The following MYH13 variants were observed in gnomAD, a reference collection of about 807,000 sequenced individuals.
MYH13 encodes the protein myosin-13.
A neutral mutation model predicts 232.1 loss-of-function variants in MYH13; 177 were observed. The observed-to-expected ratio is 0.76, with a 90% CI of 0.67 to 0.86. The LOEUF (loss-of-function observed/expected upper bound fraction) is 0.86, where lower values mean the gene tolerates loss of function less well. MYH13 is among the 40% of genes least tolerant of loss of function. The pLI is 0.00. For missense variants in MYH13, 2,246 were observed against 2,405.9 expected (o/e 0.93, Z 1.39); for synonymous variants, 884 against 923.5 (o/e 0.96, Z 0.78).
At position 10,345,601 on chromosome 17, in the gene MYH13, C is replaced by G; in HGVS notation, c.1279G>C (p.Gly427Arg). ...TCGTAGACGGCTTTGGCCAGAGCAC[C>G]CACCGAATTGGTCACCTTGAAAAAG... ...QNVQQVTNSV[G>R]ALAKAVYEKM... Residue 427 changes from glycine (G) to arginine (R), a missense_variant, in exon 14 of 41, where the codon GGT becomes CGT. Coordinates refer to ENST00000252172, the MANE Select transcript of MYH13 (RefSeq NM_003802.3). The G allele has an allele frequency of 2.5e-6, 4 of 1,614,142 alleles. No individual in the cohort carries two copies. Among genetic ancestry groups the G allele is most frequent in the Non-Finnish European group, 3.4e-6 (4 of 1,180,030 alleles).
chr17:10,366,032 T>C, intron 2 of MYH13, among the ~76,000 whole-genome samples: 1 of 152,086 alleles, frequency 6.6e-6, no homozygotes, highest in Non-Finnish European at 1.5e-5. Context: ...CTGCTTAGAA[T>C]GCAGAAAATT....
intron 10 of MYH13, 30 bp downstream of exon 10, chr17:10,354,865 G>C: frequency 6.3e-7 from 1 of 1,589,422 alleles, no homozygotes; most frequent in Non-Finnish European, 8.6e-7. Context: ...CACCGATTTG[G>C]AACATAAGAA....
intron 11 of MYH13, 196 bp from the exon 12 acceptor site, chr17:10,350,890 G>A (rs2071705066): frequency 3.0e-6 from 2 of 658,882 alleles, no homozygotes; most frequent in Middle Eastern, 2.5e-4. Flanking sequence ...AAGACTATGG[G>A]AAAAAGATGT....
At chr17:10,316,713 G>A (rs1320922749) in intron 27 of MYH13, among the ~76,000 whole-genome samples, 1 of 152,200 alleles carries the variant, frequency 6.6e-6, no homozygotes, top group Non-Finnish European at 1.5e-5. Flanking sequence ...AACACAGAAG[G>A]TTCCCCATGG....
chr17:10,357,725 C>G lies in MYH13; in HGVS notation c.738+10G>C, dbSNP rs751017508. On this transcript the variant is annotated intron_variant, in intron 8 of 40. Transcript: ENST00000252172. ...TTGGGAGGATACTTGAAAATTGGGC[C>G]GGATCTTACAAATCTTGAGGAGTTG... 2 of 1,612,134 alleles carry G rather than the reference C, an allele frequency of 1.2e-6. No homozygotes were observed. The highest frequency in any genetic ancestry group is 1.7e-6 in the Non-Finnish European group (2 of 1,178,686).
At chr17:10,318,243 C>G (rs1273668363) in intron 27 of MYH13, among the ~76,000 whole-genome samples, 1 of 152,158 alleles carries the variant, frequency 6.6e-6, no homozygotes, top group Non-Finnish European at 1.5e-5. Context: ...ACAGTGGTGC[C>G]AGATCATCCA....
chr17:10,366,393 T>G (rs868207962), intron 2 of MYH13, among the ~76,000 whole-genome samples: 2 of 148,046 alleles, frequency 1.4e-5, no homozygotes, highest in African/African-American at 5.0e-5. Flanking sequence ...TTTTTTTTTT[T>G]TTTTTGAGAT....
intron 12 of MYH13, among the ~76,000 whole-genome samples, chr17:10,347,478 T>G (rs1370613662): frequency 6.6e-6 from 1 of 152,174 alleles, no homozygotes; most frequent in Non-Finnish European, 1.5e-5. Flanking sequence ...TGAGGCACCT[T>G]CCTAATTTAA....
chr17:10,333,113 C>A lies in MYH13; in HGVS notation c.2135G>T (p.Gly712Val), dbSNP rs975734965. Residue 712 changes from glycine (G) to valine (V), a missense_variant, in exon 19 of 41, where the codon GGA becomes GTA. Gly to Val is a moderately radical substitution (Grantham distance 109). Transcript: ENST00000252172. ...VLEGIRICRK[G>V]FPSRILYADF... ...AGCATAGAGGATCCGGCTGGGGAAT[C>A]CCTTCCTGCAAATCCGGATGCCCTC... is the stretch of plus-strand genomic sequence containing the variant. 1.9e-6 allele frequency: 3 copies of A among 1,551,640 alleles called. No homozygotes were observed. The highest frequency in any genetic ancestry group is 2.6e-6 in the Non-Finnish European group (3 of 1,147,010).
intron 29 of MYH13, among the ~76,000 whole-genome samples, chr17:10,315,483 A>G (rs1906670243): frequency 6.6e-6 from 1 of 151,914 alleles, no homozygotes; most frequent in Non-Finnish European, 1.5e-5. Flanking sequence ...TTTAGTGGAG[A>G]CGGGGTTTCG....
chr17:10,323,999 G>T lies in MYH13; in HGVS notation c.2934+23C>A, dbSNP rs368166386. On this transcript the variant is annotated intron_variant, in intron 23 of 40. Transcript: ENST00000252172. The stretch of plus-strand genomic sequence containing the variant: ...AGAGTGAAGCCTGTTAAGACACTGT[G>T]GGAGTCCCTTGGGTTTGCTCACCTT... 1.5e-4 allele frequency: 246 copies of T among 1,612,748 alleles called. 2 individuals are homozygous for T. Among genetic ancestry groups the T allele is most frequent in the East Asian group, 6.7e-5 (3 of 44,848 alleles).
chr17:10,322,278 G>A (rs976519534), intron 23 of MYH13, among the ~76,000 whole-genome samples: 7 of 151,856 alleles, frequency 4.6e-5, no homozygotes, highest in East Asian at 1.9e-4. Flanking sequence ...GGCACCTGTA[G>A]TCCCAGCTAC....
At chr17:10,367,049 G>A (rs1383875369) in intron 2 of MYH13, among the ~76,000 whole-genome samples, 1 of 152,198 alleles carries the variant, frequency 6.6e-6, no homozygotes, top group East Asian at 1.9e-4. Flanking sequence ...GAGTCTCTCA[G>A]TTACCACCTG....
chr17:10,359,825 A>G lies in MYH13; in HGVS notation c.645+135T>C, dbSNP rs1170502671. 12 of 736,860 alleles carry G rather than the reference A, an allele frequency of 1.6e-5. No homozygotes were observed. In the Admixed American group the frequency reaches 2.5e-4, roughly 15 times the overall value. 45.6% of individuals were successfully genotyped at this position (736,860 alleles called of 1,614,324 possible). A position where few individuals can be genotyped will look rare whatever the true frequency, so the allele number is the denominator to read the frequency against. On this transcript the variant is annotated intron_variant, in intron 7 of 40. Transcript: ENST00000252172. The stretch of plus-strand genomic sequence containing the variant: ...GATGGCAGACACGTTCTGTGTGAGG[A>G]TACAGAGAGGAAAGAAAGAATTTTT...
chr17:10,311,777 A>T (rs1306214113), intron 32 of MYH13, 134 bp downstream of exon 32: 2 of 1,044,422 alleles, frequency 1.9e-6, no homozygotes, highest in East Asian at 4.8e-5. Context: ...AACTGAGTCA[A>T]TGTGAGGCAT....
intron 20 of MYH13, 129 bp from the exon 21 acceptor site, chr17:10,330,652 T>A: frequency 7.7e-7 from 1 of 1,291,866 alleles, no homozygotes; most frequent in Non-Finnish European, 1.0e-6. Context: ...GCAATTCTGT[T>A]TCCAGGACTT....
chr17:10,304,001 C>G lies in MYH13; in HGVS notation c.5467-503G>C, dbSNP rs1041645353. ...ATGGATGAAGCTGGAAACCATCATT[C>G]TCAGCAAACTAAGGAACAGAAAACC... On this transcript the variant is annotated intron_variant, in intron 37 of 40. Coordinates refer to ENST00000252172, the MANE Select transcript of MYH13 (RefSeq NM_003802.3). This position sits in a 1 kb window ranked among gnomAD's most constrained non-coding sequence, Gnocchi z 5.3. Among the ~76,000 whole-genome samples, 2 of 152,140 alleles carry G rather than the reference C, an allele frequency of 1.3e-5. No homozygotes were observed. The highest frequency in any genetic ancestry group is 2.9e-5 in the Non-Finnish European group (2 of 68,038).
At chr17:10,358,978 A>G (rs550348655) in intron 7 of MYH13, among the ~76,000 whole-genome samples, 11 of 152,246 alleles carry the variant, frequency 7.2e-5, no homozygotes, top group Non-Finnish European at 1.3e-4. Context: ...AGCTGGTGCT[A>G]GAACTCAAGT....
chr17:10,339,100 G>A (rs1306081524), intron 18 of MYH13, among the ~76,000 whole-genome samples: 2 of 142,292 alleles, frequency 1.4e-5, no homozygotes, highest in African/African-American at 2.7e-5. Context: ...CCAACCCCCC[G>A]ACAACGTATA....
Sources: gnomAD v4.1 joint callset for allele counts (sites outside exome capture counted in the v4.1 genomes callset) on GRCh38, gnomAD v4.1.1 for gene constraint, Gnocchi (gnomAD v3.1) non-coding constraint, MANE v1.5 for transcripts, NCBI Gene and HGNC (gene_info 2026-07-23, HGNC 2026-07-21) for gene names.